The following TTN variants were observed in gnomAD, a reference collection of about 807,000 sequenced individuals.
TTN encodes the protein connectin.
TTN carries 1,525 observed loss-of-function variants against 3,223.0 expected under a neutral mutation model. That is an observed-to-expected ratio of 0.47 (90% confidence interval 0.45 to 0.49). The LOEUF (loss-of-function observed/expected upper bound fraction) is 0.49. Among genes scored for constraint, TTN ranks in the 20% least tolerant of loss-of-function variants. The pLI, the probability that TTN is intolerant of heterozygous loss-of-function variation, is 0.00. For missense variants in TTN, 40,786 were observed against 43,424.0 expected, an observed-to-expected ratio of 0.94 and a Z score of 5.40; for synonymous variants, 14,094 against 15,161.0, an observed-to-expected ratio of 0.93 and a Z score of 5.17.
intron 111 of TTN, among the ~76,000 whole-genome samples, chr2:178,699,966 C>T (rs998573522): frequency 5.3e-5 from 8 of 151,860 alleles, no homozygotes; most frequent in Admixed American, 2.0e-4. Context: ...CCGCCCACCT[C>T]GGCCTCCCAA....
Position 178,565,242 on chromosome 2 carries a change from T to C in TTN, c.80890A>G (p.Asn26964Asp), listed in dbSNP as rs886055242. ...ATNSAGTATE[N>D]LSVIVLEKPG... The stretch of plus-strand genomic sequence containing the variant: ...TTTTCTAAAACGATAACACTGAGAT[T>C]TTCTGTTGCTGTGCCTGCACTATTT... The change falls in exon 326 of 363, where the codon AAT (asparagine) becomes GAT (aspartate). Residue 26964 changes from asparagine to aspartate, a missense_variant. Transcript: ENST00000589042. The C allele has an allele frequency of 6.2e-7, 1 of 1,613,538 alleles. No homozygotes were observed. The highest frequency in any genetic ancestry group is 1.3e-5 in the African/African-American group (1 of 74,992).
In TTN at chr2:178,585,258, G is replaced by C; in HGVS notation, c.64486C>G (p.Pro21496Ala). 1 of 1,613,272 alleles carries C rather than the reference G, an allele frequency of 6.2e-7. No individual in the cohort carries two copies. The highest frequency in any genetic ancestry group is 8.5e-7 in the Non-Finnish European group (1 of 1,179,424). Reference protein sequence around the residue: ...IEAHVYGKPHPTCKWKKGEDE... With the variant: ...IEAHVYGKPHATCKWKKGEDE... ...TCTCCTTTTTTCCATTTACAGGTGG[G>C]ATGAGGCTTTCCATACACATGGGCT... Residue 21496 changes from proline (P) to alanine (A), a missense_variant, in exon 309 of 363, where the codon CCC (proline) becomes GCC (alanine). Physicochemically the swap from Pro to Ala is conservative, Grantham distance 27. Coordinates refer to ENST00000589042, the MANE Select transcript of TTN (RefSeq NM_001267550.2).
chr2:178,749,441 TG>T, intron 47 of TTN: 1 of 1,613,074 alleles, frequency 6.2e-7, no homozygotes, highest in Non-Finnish European at 8.5e-7. Flanking sequence ...CTGCTCTTTC[TG>T]GTCTATTTGC....
rs761918520 is a variant in TTN at position 178,662,939 on chromosome 2, C to T, written c.36790+27G>A. 20 of 1,610,416 alleles carry T rather than the reference C, an allele frequency of 1.2e-5. 1 individual carries two copies. In the Middle Eastern group the frequency reaches 6.8e-4, roughly 55 times the overall value. ...TATGCAGTCTTTCCCCAGGGCCCCC[C>T]GACTGACAATGTGTAATGATACCTA... is the stretch of plus-strand genomic sequence containing the variant. On this transcript the variant is annotated intron_variant, in intron 174 of 362. Coordinates refer to ENST00000589042, the MANE Select transcript of TTN (RefSeq NM_001267550.2).
chr2:178,782,156 C>T, intron 20 of TTN, 56 bp downstream of exon 20: 3 of 1,598,256 alleles, frequency 1.9e-6, no homozygotes, highest in East Asian at 2.2e-5. Flanking sequence ...CTACTCTAGG[C>T]TTCATGCACG....
rs1244743088 is a variant in TTN at position 178,650,184 on chromosome 2, G to T, written c.39797C>A (p.Pro13266Gln). The change falls in exon 210 of 363, where the codon CCA (proline) becomes CAA (glutamine). Residue 13266 changes from proline (P) to glutamine (Q), a missense_variant. Coordinates refer to ENST00000589042, the MANE Select transcript of TTN (RefSeq NM_001267550.2). Reference protein sequence around the residue: ...KPVPVAEEEEPEVPPPAVPEE... With the variant: ...KPVPVAEEEEQEVPPPAVPEE... ...TGTACCTGCTGGAGGTGGAACCTCTGGTTCCTCCTCTTCTGCAACAGGAAC... is the reference window on the plus strand; with the variant it reads ...TGTACCTGCTGGAGGTGGAACCTCTTGTTCCTCCTCTTCTGCAACAGGAAC... 6.3e-7 allele frequency: 1 copy of T among 1,587,708 alleles called. No homozygotes were observed. The highest frequency in any genetic ancestry group is 1.1e-5 in the South Asian group (1 of 87,080).
Position 178,795,515 on chromosome 2 carries a change from T to TA in TTN, c.915-264dup, listed in dbSNP as rs377764560. On this transcript the variant is annotated intron_variant, in intron 6 of 362. Coordinates refer to ENST00000589042, the MANE Select transcript of TTN (RefSeq NM_001267550.2). ...TTTTGTGCCTTGCACCTTCTCACAT[T>TA]AAAAAAAAAAAAAAATCACAACAGA... 9.7e-3 allele frequency among the ~76,000 whole-genome samples: 1,367 copies of TA among 141,190 alleles called. 13 individuals are homozygous for TA. Among genetic ancestry groups the TA allele is most frequent in the African/African-American group, 0.022 (845 of 39,194 alleles). The allele number at this position is 141,190 out of a possible 152,430, so 92.6% of individuals were successfully genotyped here. A position where few individuals can be genotyped will look rare whatever the true frequency, so the allele number is the denominator to read the frequency against.
chr2:178,701,792 G>T (rs1409446188), intron 109 of TTN, among the ~76,000 whole-genome samples: 2 of 152,222 alleles, frequency 1.3e-5, no homozygotes, highest in East Asian at 3.9e-4. Flanking sequence ...GTTTCATTCT[G>T]TGGCTATTCT....
Position 178,555,005 on chromosome 2 carries a change from G to A in TTN, c.88454C>T (p.Ala29485Val). 1 of 1,613,628 alleles carries A rather than the reference G, an allele frequency of 6.2e-7. No homozygotes were observed. The highest frequency in any genetic ancestry group is 8.5e-7 in the Non-Finnish European group (1 of 1,179,768). The change falls in exon 331 of 363, where the codon GCA (alanine) becomes GTA (valine). Residue 29485 changes from alanine to valine, a missense_variant. Coordinates refer to ENST00000589042, the MANE Select transcript of TTN (RefSeq NM_001267550.2). ...CGTGGTATTTTCAACACACACCAGT[G>A]CATTGGTTTGTAATTCTTTATCATC... ...YKDDKELQTN[A>V]LVCVENTTDL... is the part of the protein sequence containing the mutation.
Position 178,800,676 on chromosome 2 carries a change from G to A in TTN, c.302C>T (p.Thr101Ile), listed in dbSNP as rs879185669. Reference sequence around the variant, plus strand: ...TCGTTGAACGAAGTTGGGTGGTGCTGTCTCAGCTGCGGGGACAAGAGAACA... The same window carrying A: ...TCGTTGAACGAAGTTGGGTGGTGCTATCTCAGCTGCGGGGACAAGAGAACA... Reference protein sequence around the residue: ...STAELLVKAETAPPNFVQRLQ... With the variant: ...STAELLVKAEIAPPNFVQRLQ... Residue 101 changes from threonine to isoleucine, a missense_variant, in exon 4 of 363, where the codon ACA becomes ATA. Physicochemically the swap from Thr to Ile is moderately conservative, Grantham distance 89. Transcript: ENST00000589042. 3 of 1,607,268 alleles carry A rather than the reference G, an allele frequency of 1.9e-6. No homozygotes were observed. Among genetic ancestry groups the A allele is most frequent in the African/African-American group, 1.3e-5 (1 of 74,754 alleles).
intron 288 of TTN, 84 bp downstream of exon 288, chr2:178,600,770 A>T: frequency 6.6e-7 from 1 of 1,509,182 alleles, no homozygotes; most frequent in Non-Finnish European, 9.2e-7. Flanking sequence ...GTACAGATAT[A>T]GCTCTTTTAA....
chr2:178,650,318 C>T, intron 209 of TTN, 47 bp from the exon 210 acceptor site: 1 of 1,458,430 alleles, frequency 6.9e-7, no homozygotes. Context: ...GAACAATATT[C>T]TAAGATGGAC....
intron 112 of TTN, among the ~76,000 whole-genome samples, chr2:178,697,915 T>G (rs1189752563): frequency 6.6e-6 from 1 of 152,158 alleles, no homozygotes; most frequent in Non-Finnish European, 1.5e-5. Context: ...TGATGTGACT[T>G]TATCAAGACC....
At position 178,730,134 on chromosome 2, in the gene TTN, T is replaced by C; in HGVS notation, c.18266A>G (p.Asp6089Gly). The change falls in exon 62 of 363, where the codon GAT becomes GGT. Residue 6089 changes from aspartate (D) to glycine (G), a missense_variant. Physicochemically the swap from Asp to Gly is moderately conservative, Grantham distance 94. Transcript: ENST00000589042. ...SGTYICQLSN[D>G]VGTATSKATL... is the part of the protein sequence containing the mutation. ...GGCTTTGCTGGTTGCTGTGCCAACA[T>C]CATTGCTTAGTTGGCAAATGTAGGT... 1.3e-6 allele frequency: 2 copies of C among 1,509,918 alleles called. No homozygotes were observed. Among genetic ancestry groups the C allele is most frequent in the Non-Finnish European group, 1.8e-6 (2 of 1,114,614 alleles). 93.5% of individuals were successfully genotyped at this position (1,509,918 alleles called of 1,614,324 possible).
At chr2:178,604,685 A>G in intron 281 of TTN, 23 bp downstream of exon 281, 1 of 1,574,268 alleles carries the variant, frequency 6.4e-7, no homozygotes, top group Non-Finnish European at 8.6e-7. Flanking sequence ...AATGTGTATA[A>G]GAAAATATTC....
chr2:178,694,765 G>A (rs1661048249), intron 116 of TTN, 64 bp downstream of exon 116: 2 of 1,484,324 alleles, frequency 1.3e-6, no homozygotes, highest in African/African-American at 1.4e-5. Flanking sequence ...AATAACTAAT[G>A]TGAGTATAGA....
At chr2:178,715,369 C>T in intron 89 of TTN, 105 bp from the exon 90 acceptor site, 1 of 1,505,684 alleles carries the variant, frequency 6.6e-7, no homozygotes. Flanking sequence ...GAAAAAAACA[C>T]TTTCAATTCT....
In TTN at chr2:178,740,755, T is replaced by C. The variant is rs778585829; in HGVS notation, c.12478A>G (p.Thr4160Ala). 1.2e-6 allele frequency: 2 copies of C among 1,613,628 alleles called. No individual in the cohort carries two copies. The highest frequency in any genetic ancestry group is 1.7e-6 in the Non-Finnish European group (2 of 1,179,778). ...ATTAGAATACCTTCTTTGGAGAAGG[T>C]TTTCTGGGACTGTACAATCTGCAGC... ...LQLQIVQSQKTFSKEGILMPE... is the reference protein window; with the variant it reads ...LQLQIVQSQKAFSKEGILMPE... The change falls in exon 48 of 363, where the codon ACC becomes GCC. Residue 4160 changes from threonine to alanine, a missense_variant. By Grantham distance (58) the Thr-to-Ala change is moderately conservative. Coordinates refer to ENST00000589042, the MANE Select transcript of TTN (RefSeq NM_001267550.2).
Position 178,581,745 on chromosome 2 carries a change from G to A in TTN, c.66523C>T (p.Leu22175=). 4 of 1,608,104 alleles carry A rather than the reference G, an allele frequency of 2.5e-6. No individual in the cohort carries two copies. The highest frequency in any genetic ancestry group is 3.4e-6 in the Non-Finnish European group (4 of 1,176,962). The change falls in exon 316 of 363, where the codon CTA becomes TTA. Residue 22175 remains leucine, a synonymous_variant. Transcript: ENST00000589042. ...TCATAGGCTGGCTTGCCCCAAGATA[G>A]ACTCACAGAGCTGCGAGTTGTATCA... The part of the protein sequence containing the change: ...VYDTTRSSVS[L]SWGKPAYDGG...
Sources: allele counts gnomAD v4.1 joint callset (sites outside exome capture counted in the v4.1 genomes callset), GRCh38; gene constraint gnomAD v4.1.1; transcripts MANE v1.5; gene names NCBI Gene and HGNC (gene_info 2026-07-23, HGNC 2026-07-21).